The following SPINT1 variants were observed in gnomAD, a reference collection of about 807,000 sequenced individuals.
The protein encoded by SPINT1 is serine peptidase inhibitor, Kunitz type 1, also known as kunitz-type protease inhibitor 1.
A neutral mutation model predicts 53.7 loss-of-function variants in SPINT1; 38 were observed. The observed-to-expected ratio is 0.71, with a 90% CI of 0.55 to 0.93. SPINT1 has a LOEUF of 0.93. Among genes scored for constraint, SPINT1 ranks in the 40% least tolerant of loss-of-function variants. SPINT1 has a pLI of 0.00. For synonymous variants in SPINT1, 283 were observed against 280.6 expected, an observed-to-expected ratio of 1.01 and a Z score of -0.08; for missense variants, 645 against 692.9, an observed-to-expected ratio of 0.93 and a Z score of 0.78.
intron 2 of SPINT1, among the ~76,000 whole-genome samples, chr15:40,850,536 C>T (rs1891426226): frequency 1.3e-5 from 2 of 152,192 alleles, no homozygotes; most frequent in African/African-American, 4.8e-5. Context: ...CTGTCATTGT[C>T]TGCTGGTTCG....
At chr15:40,849,996 A>C (rs1049521354) in intron 2 of SPINT1, among the ~76,000 whole-genome samples, 2 of 152,232 alleles carry the variant, frequency 1.3e-5, no homozygotes, top group African/African-American at 4.8e-5. Context: ...CTGTGTTCCA[A>C]TCGATGGACA....
intron 10 of SPINT1, 133 bp from the exon 11 acceptor site, chr15:40,856,637 G>T: frequency 1.3e-6 from 2 of 1,493,390 alleles, no homozygotes; most frequent in African/African-American, 1.4e-5. Flanking sequence ...TTCATATGTG[G>T]GAGGTCTGAG....
chr15:40,852,627 C>CTGTCTGTGTGTG (rs10653499), intron 2 of SPINT1, among the ~76,000 whole-genome samples: 9 of 143,396 alleles, frequency 6.3e-5, no homozygotes, highest in African/African-American at 2.0e-4. Flanking sequence ...AAGTAAGTGT[C>CTGTCTGTGTGTG]TGTGTGTGTG....
At chr15:40,854,583 C>T (rs1891576819) in intron 7 of SPINT1, 56 bp from the exon 8 acceptor site, 2 of 1,614,124 alleles carry the variant, frequency 1.2e-6, no homozygotes, top group African/African-American at 1.3e-5. Context: ...CAGCCTTGCC[C>T]TGAACCCCTG....
chr15:40,855,995 T>C lies in SPINT1; in HGVS notation c.1221T>C (p.Gly407=), dbSNP rs773286770. Residue 407 remains glycine, a synonymous_variant, in exon 9 of 11, where the codon GGT becomes GGC. Coordinates refer to ENST00000562057, the MANE Select transcript of SPINT1 (RefSeq NM_003710.4). ...ACTGCGCCCGCTTTACCTATGGTGG[T>C]TGTTACGGCAACAAGAACAACTTTG... ...SEHCARFTYG[G]CYGNKNNFEE... 4 of 1,614,198 alleles carry C rather than the reference T, an allele frequency of 2.5e-6. No homozygotes were observed. In the South Asian group the frequency reaches 3.3e-5, roughly 13 times the overall value.
Position 40,858,107 on chromosome 15 carries a change from A to G in SPINT1, c.*1132A>G, listed in dbSNP as rs189232833. The stretch of plus-strand genomic sequence containing the variant: ...CCAACCAGGCTCTGAGCTCCTTCCC[A>G]GGAGCCTTTAGTAGAGACACGCCAC... On this transcript the variant is annotated 3_prime_UTR_variant, in exon 11 of 11. Transcript: ENST00000562057. 3 of 151,484 alleles carry G rather than the reference A, an allele frequency of 2.0e-5. No individual in the cohort carries two copies. Among genetic ancestry groups the G allele is most frequent in the Admixed American group, 2.0e-4 (3 of 15,192 alleles). 9.4% of individuals were successfully genotyped at this position (151,484 alleles called of 1,614,324 possible).
rs1891687895 is a variant in SPINT1 at position 40,857,522 on chromosome 15, TG to T, written c.*548del. On this transcript the variant is annotated 3_prime_UTR_variant, in exon 11 of 11. Transcript: ENST00000562057. ...CCCCCAAGATTGAGCTCTCTGCCCT[TG>T]ATCAGCCCCACCCTGGCCTAGACCA... 6.5e-6 allele frequency: 1 copy of T among 153,176 alleles called. No homozygotes were observed. The highest frequency in any genetic ancestry group is 2.4e-5 in the African/African-American group (1 of 41,464). 9.5% of individuals were successfully genotyped at this position (153,176 alleles called of 1,614,324 possible). A position where few individuals can be genotyped will look rare whatever the true frequency, so the allele number is the denominator to read the frequency against.
intron 2 of SPINT1, among the ~76,000 whole-genome samples, chr15:40,847,794 T>G (rs1891340511): frequency 6.6e-6 from 1 of 152,060 alleles, no homozygotes; most frequent in Non-Finnish European, 1.5e-5. Context: ...CAGCTCAAAG[T>G]CTGATGCATC....
chr15:40,844,250 C>G lies in SPINT1; in HGVS notation c.-66+64C>G, dbSNP rs997527333. 13 of 499,518 alleles carry G rather than the reference C, an allele frequency of 2.6e-5. No individual in the cohort carries two copies. Among genetic ancestry groups the G allele is most frequent in the African/African-American group, 2.5e-4 (12 of 48,288 alleles). The allele number at this position is 499,518 out of a possible 1,614,324, so 30.9% of individuals were successfully genotyped here. On this transcript the variant is annotated intron_variant, in intron 1 of 10. Transcript: ENST00000562057. The surrounding 1 kb of genome is among the most constrained non-coding windows in gnomAD (Gnocchi z 5.8). ...GGAGCGGGCTGGAGCATGTCCGGCC[C>G]TTTGTTCTGCGCTCGTGCGTGTGTC...
In SPINT1 at chr15:40,844,477, C is replaced by A; in HGVS notation, c.-65-13C>A. 1 of 1,408,890 alleles carries A rather than the reference C, an allele frequency of 7.1e-7. No homozygotes were observed. The highest frequency in any genetic ancestry group is 1.2e-5 in the South Asian group (1 of 86,644). 87.3% of individuals were successfully genotyped at this position (1,408,890 alleles called of 1,614,324 possible). ...AGGTGTGTCTCCTCCTCTGTCCCCT[C>A]CCTTCTTCTCAGGTCACCAGCACCC... On this transcript the variant is annotated splice_polypyrimidine_tract_variant and intron_variant, in intron 1 of 10. Coordinates refer to ENST00000562057, the MANE Select transcript of SPINT1 (RefSeq NM_003710.4). This position sits in a 1 kb window ranked among gnomAD's most constrained non-coding sequence, Gnocchi z 5.8.
rs1390566385 is a variant in SPINT1 at position 40,857,631 on chromosome 15, C to G, written c.*656C>G. ...CCAACATCACAGCCCAGCCCGCCCA[C>G]TGGGTAATAAAAGTGGTTTGTGGAG... On this transcript the variant is annotated 3_prime_UTR_variant, in exon 11 of 11. Transcript: ENST00000562057. 6.6e-6 allele frequency: 1 copy of G among 152,290 alleles called. No homozygotes were observed. The highest frequency in any genetic ancestry group is 1.5e-5 in the Non-Finnish European group (1 of 68,162). 9.4% of individuals were successfully genotyped at this position (152,290 alleles called of 1,614,324 possible). A position where few individuals can be genotyped will look rare whatever the true frequency, so the allele number is the denominator to read the frequency against.
intron 5 of SPINT1, 42 bp downstream of exon 5, chr15:40,853,923 C>T (rs781044211): frequency 6.2e-7 from 1 of 1,614,064 alleles, no homozygotes; most frequent in Admixed American, 1.7e-5. Flanking sequence ...GGCGACTTTC[C>T]CCCAGGGTGA....
intron 2 of SPINT1, among the ~76,000 whole-genome samples, chr15:40,845,265 TCTCAGC>T (rs1891255972): frequency 6.6e-6 from 1 of 150,682 alleles, no homozygotes; most frequent in African/African-American, 2.4e-5. Context: ...GATTCTTCTG[TCTCAGC>T]CTCCGGAGTA....
In SPINT1 at chr15:40,844,969, A is replaced by T. The variant is rs373492914; in HGVS notation, c.415A>T (p.Asn139Tyr). 1.2e-6 allele frequency: 2 copies of T among 1,613,826 alleles called. No homozygotes were observed. The highest frequency in any genetic ancestry group is 2.2e-5 in the East Asian group (1 of 44,874). Residue 139 changes from asparagine (N) to tyrosine (Y), a missense_variant, in exon 2 of 11, where the codon AAC (asparagine) becomes TAC (tyrosine). Transcript: ENST00000562057. This position sits in a 1 kb window ranked among gnomAD's most constrained non-coding sequence, Gnocchi z 5.8. ...CKFAPREGFI[N>Y]YLTREVYRSY... is the part of the protein sequence containing the mutation. ...GTTCGCGCCCAGGGAGGGCTTCATC[A>T]ACTACCTCACGAGGGAAGTGTACCG...
intron 2 of SPINT1, among the ~76,000 whole-genome samples, chr15:40,848,787 G>A (rs1891366998): frequency 6.6e-6 from 1 of 152,146 alleles, no homozygotes; most frequent in Non-Finnish European, 1.5e-5. Flanking sequence ...AAATGCTTGT[G>A]AATTCAAATA....
intron 9 of SPINT1, 31 bp from the exon 10 acceptor site, chr15:40,856,245 C>T (rs1321418651): frequency 6.2e-7 from 1 of 1,613,958 alleles, no homozygotes; most frequent in African/African-American, 1.3e-5. Context: ...GCCCTCAGTA[C>T]TGACTGGTCT....
In SPINT1 at chr15:40,844,783, G is replaced by T. The variant is rs376170333; in HGVS notation, c.229G>T (p.Glu77Ter). 6.2e-7 allele frequency: 1 copy of T among 1,612,750 alleles called. No homozygotes were observed. The highest frequency in any genetic ancestry group is 8.5e-7 in the Non-Finnish European group (1 of 1,179,428). ...GGTCAGCAACGGAGCTACCTTCCTG[G>T]AGTCCCCCACCGTGCGCCGGGGCTG... ...ASVSNGATFLESPTVRRGWDC... is the reference protein window; with the variant it reads ...ASVSNGATFL Residue 77 changes from glutamate (E) to a stop codon, truncating the protein, a stop_gained, in exon 2 of 11, where the codon GAG (glutamate) becomes TAG (stop). Coordinates refer to ENST00000562057, the MANE Select transcript of SPINT1 (RefSeq NM_003710.4). LOFTEE classifies it high-confidence loss of function. The surrounding 1 kb of genome is among the most constrained non-coding windows in gnomAD (Gnocchi z 5.8).
chr15:40,844,546 A>G lies in SPINT1; in HGVS notation c.-9A>G. The G allele has an allele frequency of 6.2e-7, 1 of 1,610,154 alleles. No individual in the cohort carries two copies. The highest frequency in any genetic ancestry group is 1.8e-4 in the Middle Eastern group (1 of 5,648). ...CGCTCTGAAGGTGACCCCCCTGGGG[A>G]GGAAGGCGATGGCCCCTGCGAGGAC... On this transcript the variant is annotated 5_prime_UTR_variant, in exon 2 of 11. Transcript: ENST00000562057. This position sits in a 1 kb window ranked among gnomAD's most constrained non-coding sequence, Gnocchi z 5.8.
chr15:40,853,331 C>G, intron 3 of SPINT1, 80 bp downstream of exon 3: 1 of 1,606,484 alleles, frequency 6.2e-7, no homozygotes, highest in Non-Finnish European at 8.5e-7. Context: ...CTAGGCCAAC[C>G]AATGGCCCCG....
Sources: gnomAD v4.1 joint callset for allele counts (sites outside exome capture counted in the v4.1 genomes callset) on GRCh38, gnomAD v4.1.1 for gene constraint, Gnocchi (gnomAD v3.1) non-coding constraint, MANE v1.5 for transcripts, NCBI Gene and HGNC (gene_info 2026-07-23, HGNC 2026-07-21) for gene names.